The following TTBK1 variants were observed in gnomAD, a reference collection of about 807,000 sequenced individuals.
TTBK1 encodes the protein tau-tubulin kinase 1.
A neutral mutation model predicts 108.5 loss-of-function variants in TTBK1; 34 were observed. The ratio of observed to expected loss-of-function variants is 0.31; its 90% CI spans 0.24 to 0.42. TTBK1 has a LOEUF of 0.42. Ranked by LOEUF, TTBK1 falls within the 10% of genes least tolerant of loss-of-function variation. The probability of loss-of-function intolerance (pLI) is 1.00; values close to 1 mark genes in which losing one functional copy is unlikely to be tolerated. For missense variants in TTBK1, 1,539 were observed against 1,826.0 expected, an observed-to-expected ratio of 0.84 and a Z score of 2.86; for synonymous variants, 809 against 795.1, an observed-to-expected ratio of 1.02 and a Z score of -0.29.
chr6:43,270,993 G>C, intron 13 of TTBK1: 1 of 985,474 alleles, frequency 1.0e-6, no homozygotes, highest in Non-Finnish European at 1.2e-6. Context: ...TAGGGATCTG[G>C]ACACTTGGGA....
At chr6:43,254,689 C>A (rs760379563) in intron 6 of TTBK1, 38 bp downstream of exon 6, 3 of 1,490,078 alleles carry the variant, frequency 2.0e-6, no homozygotes, top group Non-Finnish European at 1.8e-6. Context: ...GTGGAGGACT[C>A]CCCCCTACTC....
rs1041821073 is a variant in TTBK1 at position 43,253,761 on chromosome 6, A to G, written c.471+53A>G. On this transcript the variant is annotated intron_variant, in intron 5 of 14. Coordinates refer to ENST00000259750, the MANE Select transcript of TTBK1 (RefSeq NM_032538.3). This position sits in a 1 kb window ranked among gnomAD's most constrained non-coding sequence, Gnocchi z 5.8. Reference sequence around the variant, plus strand: ...GTTCCCTCCTCCAGAACACACCCCTAATTCTTTCCCTGGGTCTCCTGGTTT... The same window carrying G: ...GTTCCCTCCTCCAGAACACACCCCTGATTCTTTCCCTGGGTCTCCTGGTTT... 5.1e-6 allele frequency: 8 copies of G among 1,553,400 alleles called. No homozygotes were observed. Among genetic ancestry groups the G allele is most frequent in the Non-Finnish European group, 6.1e-6 (7 of 1,148,446 alleles).
At chr6:43,250,857 C>G (rs989053684) in intron 2 of TTBK1, among the ~76,000 whole-genome samples, 1 of 152,198 alleles carries the variant, frequency 6.6e-6, no homozygotes, top group Non-Finnish European at 1.5e-5. Flanking sequence ...CCTCTGTTCT[C>G]GCACAAGCAA....
intron 1 of TTBK1, among the ~76,000 whole-genome samples, chr6:43,245,317 G>A (rs990254177): frequency 1.3e-5 from 2 of 151,972 alleles, no homozygotes; most frequent in South Asian, 2.1e-4. Flanking sequence ...CTCCAGGGTC[G>A]TTGTGAGGGC....
chr6:43,271,185 G>T, intron 13 of TTBK1: 5 of 985,508 alleles, frequency 5.1e-6, no homozygotes, highest in Non-Finnish European at 6.0e-6. Flanking sequence ...GTGCCTGTAT[G>T]GGGAGGGGAG....
rs1240965008 is a variant in TTBK1 at position 43,283,368 on chromosome 6, C to T, written c.2628C>T (p.Gly876=). Residue 876 remains glycine, a synonymous_variant, in exon 14 of 15, where the codon GGC becomes GGT. Transcript: ENST00000259750. The surrounding 1 kb of genome is among the most constrained non-coding windows in gnomAD (Gnocchi z 8.1). The part of the protein sequence containing the change: ...TPQHERPQPT[G]SQLDVSEPGT... ...AGCATGAGCGGCCCCAGCCCACGGG[C>T]AGCCAGCTGGACGTATCTGAGCCAG... 3 of 1,601,190 alleles carry T rather than the reference C, an allele frequency of 1.9e-6. No individual in the cohort carries two copies. The highest frequency in any genetic ancestry group is 2.6e-6 in the Non-Finnish European group (3 of 1,173,994).
intron 14 of TTBK1, 135 bp downstream of exon 14, chr6:43,284,447 C>G (rs1778304217): frequency 7.3e-7 from 1 of 1,364,732 alleles, no homozygotes; most frequent in South Asian, 1.6e-5. Context: ...TGTCCAGCAC[C>G]TCCCAACTGT....
rs1340932476 is a variant in TTBK1, at chr6:43,269,933, G to C, written c.1986+6583G>C. Reference sequence around the variant, plus strand: ...CCCAGCTGCAGCAGGTGTGGGCCCGGTTCACCCACAAGACCTAGGCTGGGC... The same window carrying C: ...CCCAGCTGCAGCAGGTGTGGGCCCGCTTCACCCACAAGACCTAGGCTGGGC... On this transcript the variant is annotated intron_variant, in intron 13 of 14. Transcript: ENST00000259750. The surrounding 1 kb of genome is among the most constrained non-coding windows in gnomAD (Gnocchi z 4.8). 1.4e-6 allele frequency: 2 copies of C among 1,475,190 alleles called. No individual in the cohort carries two copies. The highest frequency in any genetic ancestry group is 2.5e-5 in the East Asian group (1 of 39,740). The allele number at this position is 1,475,190 out of a possible 1,614,324, so 91.4% of individuals were successfully genotyped here.
chr6:43,243,736 C>A lies in TTBK1; in HGVS notation c.-55+28C>A. On this transcript the variant is annotated intron_variant, in intron 1 of 14. Transcript: ENST00000259750. The surrounding 1 kb of genome is among the most constrained non-coding windows in gnomAD (Gnocchi z 5.5). The stretch of plus-strand genomic sequence containing the variant: ...GAGGCGGGGCGGGGCGGGCCGGGGT[C>A]GGGGCGGGGGCTCCTTCGTGGGCTC... The A allele has an allele frequency of 6.6e-6, 1 of 151,156 alleles. No individual in the cohort carries two copies. The highest frequency in any genetic ancestry group is 2.0e-4 in the South Asian group (1 of 4,964). 9.4% of individuals were successfully genotyped at this position (151,156 alleles called of 1,614,324 possible).
At chr6:43,284,426 G>C (rs1196743265) in intron 14 of TTBK1, 114 bp downstream of exon 14, 3 of 951,866 alleles carry the variant, frequency 3.2e-6, no homozygotes, top group Non-Finnish European at 4.0e-6. Flanking sequence ...GGGACCCTCA[G>C]TGACACCTCC....
Position 43,263,470 on chromosome 6 carries a change from T to A in TTBK1, c.1986+120T>A. The A allele has an allele frequency of 9.9e-7, 1 of 1,005,684 alleles. No individual in the cohort carries two copies. 62.3% of individuals were successfully genotyped at this position (1,005,684 alleles called of 1,614,324 possible). A position where few individuals can be genotyped will look rare whatever the true frequency, so the allele number is the denominator to read the frequency against. On this transcript the variant is annotated intron_variant, in intron 13 of 14. Coordinates refer to ENST00000259750, the MANE Select transcript of TTBK1 (RefSeq NM_032538.3). The surrounding 1 kb of genome is among the most constrained non-coding windows in gnomAD (Gnocchi z 4.7). ...CAGTAAGCCAGCAGTCACAGGGCTG[T>A]GATGGAGGTAGACAGGCTTAAGGGT...
chr6:43,252,600 C>T (rs1020186027), intron 2 of TTBK1, 139 bp from the exon 3 acceptor site: 140 of 951,924 alleles, frequency 1.5e-4, no homozygotes, highest in South Asian at 9.9e-4. Context: ...CCAGCCTGGG[C>T]GACAAAGTGA....
chr6:43,262,584 GAACGAACTAACA>G (rs990209046), intron 12 of TTBK1, among the ~76,000 whole-genome samples, 193 bp from the exon 13 acceptor site: 6 of 152,112 alleles, frequency 3.9e-5, no homozygotes, highest in African/African-American at 1.5e-4. Flanking sequence ...ATGAATGAAC[GAACGAACTAACA>G]AACGAACTAA....
chr6:43,251,901 A>T (rs866552815), intron 2 of TTBK1, among the ~76,000 whole-genome samples: 34 of 151,922 alleles, frequency 2.2e-4, no homozygotes, highest in African/African-American at 8.0e-4. Context: ...TTTTGCCCAC[A>T]TACTCTCTCC....
chr6:43,274,015 T>C (rs1249876617), intron 13 of TTBK1, among the ~76,000 whole-genome samples: 1 of 152,026 alleles, frequency 6.6e-6, no homozygotes, highest in Non-Finnish European at 1.5e-5. Context: ...CCTGAATGAG[T>C]GTGGGGGCCA....
At chr6:43,281,702 C>T (rs1425238552) in intron 13 of TTBK1, among the ~76,000 whole-genome samples, 3 of 152,128 alleles carry the variant, frequency 2.0e-5, no homozygotes, top group Non-Finnish European at 4.4e-5. Flanking sequence ...GGGCTGTGTT[C>T]GGCTAGCTTA....
chr6:43,270,280 T>C, intron 13 of TTBK1: 1 of 1,118,042 alleles, frequency 8.9e-7, no homozygotes, highest in Non-Finnish European at 1.1e-6. Flanking sequence ...GAAAGAGAGG[T>C]GTCAGGGAGA....
At chr6:43,258,991 G>T in intron 10 of TTBK1, 47 bp from the exon 11 acceptor site, 1 of 1,471,064 alleles carries the variant, frequency 6.8e-7, no homozygotes, top group Non-Finnish European at 9.3e-7. Context: ...TGGAAGGAGA[G>T]GGCACCCCTG....
chr6:43,257,983 C>G lies in TTBK1; in HGVS notation c.1016+17C>G, dbSNP rs201398491. ...CATGTTTGGGTGAGTCTCAGGAAGG[C>G]GAGCCACCAGCCCCTGCCTGGAGCT... On this transcript the variant is annotated intron_variant, in intron 10 of 14. Transcript: ENST00000259750. This position sits in a 1 kb window ranked among gnomAD's most constrained non-coding sequence, Gnocchi z 4.5. 3 of 1,606,922 alleles carry G rather than the reference C, an allele frequency of 1.9e-6. No homozygotes were observed. Among genetic ancestry groups the G allele is most frequent in the Non-Finnish European group, 2.5e-6 (3 of 1,177,204 alleles).
Sources: gnomAD v4.1 joint callset for allele counts (sites outside exome capture counted in the v4.1 genomes callset) on GRCh38, gnomAD v4.1.1 for gene constraint, Gnocchi (gnomAD v3.1) non-coding constraint, MANE v1.5 for transcripts, NCBI Gene and HGNC (gene_info 2026-07-23, HGNC 2026-07-21) for gene names.